The following GRID2 variants were observed in gnomAD, a reference collection of about 807,000 sequenced individuals.
The protein encoded by GRID2 is glutamate receptor ionotropic, delta-2.
Under a neutral mutation model 114.8 loss-of-function variants are expected in GRID2, and 33 were observed. That is an observed-to-expected ratio of 0.29 (90% CI 0.22 to 0.38). The LOEUF (loss-of-function observed/expected upper bound fraction) is 0.38, where lower values mean the gene tolerates loss of function less well. Among genes scored for constraint, GRID2 ranks in the 10% least tolerant of loss-of-function variants. GRID2 has a pLI of 1.00. For synonymous variants in GRID2, 505 were observed against 449.9 expected (o/e 1.12, Z -1.55); for missense variants, 1,184 against 1,257.7 (o/e 0.94, Z 0.89).
intron 14 of GRID2, among the ~76,000 whole-genome samples, chr4:93,716,704 A>G (rs1005390699): frequency 9.9e-5 from 15 of 152,164 alleles, no homozygotes; most frequent in African/African-American, 3.4e-4. Flanking sequence ...AAATCAATAC[A>G]TACTTAAATA....
chr4:93,671,964 G>C (rs1451028235), intron 14 of GRID2, among the ~76,000 whole-genome samples: 1 of 152,040 alleles, frequency 6.6e-6, no homozygotes, highest in Non-Finnish European at 1.5e-5. Flanking sequence ...GACAGAGCAA[G>C]ACTCTGTCTC....
At chr4:92,978,072 A>G (rs76372092) in intron 2 of GRID2, among the ~76,000 whole-genome samples, 3,331 of 152,232 alleles carry the variant, frequency 0.022, 56 homozygotes, top group East Asian at 0.052. Context: ...AGAGAAGGTG[A>G]TTCACGACCA....
At chr4:93,395,780 C>G (rs562528850) in intron 9 of GRID2, 72 bp downstream of exon 9, 14 of 690,764 alleles carry the variant, frequency 2.0e-5, no homozygotes, top group Non-Finnish European at 3.7e-5. Context: ...TCTTTATTAA[C>G]TGATGACATA....
intron 2 of GRID2, among the ~76,000 whole-genome samples, chr4:92,973,841 G>A (rs762162069): frequency 1.3e-5 from 2 of 151,930 alleles, no homozygotes; most frequent in Non-Finnish European, 2.9e-5. Flanking sequence ...TTGATTAATG[G>A]GATCTTATTA....
intron 14 of GRID2, among the ~76,000 whole-genome samples, chr4:93,687,079 G>A (rs1276651056): frequency 6.6e-6 from 1 of 151,958 alleles, no homozygotes; most frequent in Non-Finnish European, 1.5e-5. Flanking sequence ...TGTTACCAGT[G>A]GAGACAGTGA....
chr4:93,440,530 T>C (rs1267026288), intron 10 of GRID2, among the ~76,000 whole-genome samples: 1 of 152,046 alleles, frequency 6.6e-6, no homozygotes, highest in Admixed American at 6.6e-5. Context: ...AGAATACATG[T>C]TTGCACGTCT....
At chr4:93,634,972 T>G (rs1300910657) in intron 14 of GRID2, among the ~76,000 whole-genome samples, 2 of 152,054 alleles carry the variant, frequency 1.3e-5, no homozygotes, top group African/African-American at 4.8e-5. Flanking sequence ...ATTACAAGTT[T>G]GCATCAGCTG....
chr4:92,969,897 A>C (rs141311231), intron 2 of GRID2, among the ~76,000 whole-genome samples: 1 of 152,040 alleles, frequency 6.6e-6, no homozygotes, highest in African/African-American at 2.4e-5. Flanking sequence ...TTCTGTCCCA[A>C]GAATGAGTGC....
At chr4:92,957,080 A>G (rs1752460508) in intron 2 of GRID2, among the ~76,000 whole-genome samples, 1 of 151,862 alleles carries the variant, frequency 6.6e-6, no homozygotes, top group African/African-American at 2.4e-5. Flanking sequence ...TTTTGCACGT[A>G]TTTTCTCTCA....
intron 2 of GRID2, among the ~76,000 whole-genome samples, chr4:92,791,434 A>T (rs183175053): frequency 6.6e-6 from 1 of 151,990 alleles, no homozygotes; most frequent in Admixed American, 6.6e-5. Context: ...ATAAAAATAA[A>T]TGTCAGATAT....
chr4:92,787,122 G>A (rs1055564227), intron 2 of GRID2, among the ~76,000 whole-genome samples: 6 of 151,814 alleles, frequency 4.0e-5, no homozygotes, highest in African/African-American at 1.4e-4. Flanking sequence ...ATACCAAATA[G>A]TGTAGTCCAT....
At chr4:92,699,157 G>C (rs1003182075) in intron 2 of GRID2, among the ~76,000 whole-genome samples, 1 of 152,024 alleles carries the variant, frequency 6.6e-6, no homozygotes, top group Non-Finnish European at 1.5e-5. Flanking sequence ...CATTAATACT[G>C]CCAAACTGTT....
chr4:93,534,359 G>T (rs1731813464), intron 13 of GRID2, among the ~76,000 whole-genome samples: 1 of 152,028 alleles, frequency 6.6e-6, no homozygotes, highest in African/African-American at 2.4e-5. Context: ...CAGTGAAATG[G>T]TTGCTACAGT....
At chr4:93,682,736 A>T (rs1049590025) in intron 14 of GRID2, among the ~76,000 whole-genome samples, 8 of 144,928 alleles carry the variant, frequency 5.5e-5, no homozygotes, top group Non-Finnish European at 1.2e-4. Context: ...CACAATGAGA[A>T]CACATGGACA....
At chr4:93,229,033 T>A (rs1263474029) in intron 7 of GRID2, among the ~76,000 whole-genome samples, 1 of 152,164 alleles carries the variant, frequency 6.6e-6, no homozygotes, top group African/African-American at 2.4e-5. Flanking sequence ...TGCCCCAGTG[T>A]CACATTTTAA....
intron 1 of GRID2, among the ~76,000 whole-genome samples, chr4:92,408,193 A>C (rs992072327): frequency 6.6e-6 from 1 of 152,060 alleles, no homozygotes; most frequent in African/African-American, 2.4e-5. Context: ...CCATTTATTG[A>C]ATAGGGAATC....
intron 12 of GRID2, among the ~76,000 whole-genome samples, chr4:93,502,712 C>G (rs1728233272): frequency 8.5e-6 from 1 of 118,112 alleles, no homozygotes; most frequent in African/African-American, 3.5e-5. Flanking sequence ...TCCACTCCCC[C>G]CCCCCACACA....
chr4:93,055,642 C>T (rs1367299599), intron 2 of GRID2, among the ~76,000 whole-genome samples: 2 of 151,898 alleles, frequency 1.3e-5, no homozygotes. Flanking sequence ...ATACATTTGA[C>T]TTAAAACAAC....
At chr4:93,115,272 T>A (rs969442306) in intron 4 of GRID2, among the ~76,000 whole-genome samples, 1 of 152,106 alleles carries the variant, frequency 6.6e-6, no homozygotes, top group African/African-American at 2.4e-5. Flanking sequence ...TTTTAGCATA[T>A]CCTGTGTATT....
Sources: allele counts gnomAD v4.1 joint callset (sites outside exome capture counted in the v4.1 genomes callset), GRCh38; gene constraint gnomAD v4.1.1; transcripts MANE v1.5; gene names NCBI Gene and HGNC (gene_info 2026-07-23, HGNC 2026-07-21).